Variants in SYNDIG1 observed in about 807,000 individuals in gnomAD.
SYNDIG1 encodes synapse differentiation inducing 1, also known as synapse differentiation-inducing gene protein 1.
SYNDIG1 carries 9 observed loss-of-function variants against 19.4 expected under a neutral mutation model. The ratio of observed to expected loss-of-function variants is 0.46; its 90% CI spans 0.28 to 0.81. The LOEUF (loss-of-function observed/expected upper bound fraction) is 0.81, where lower values mean the gene tolerates loss of function less well. SYNDIG1 is among the 30% of genes least tolerant of loss of function. The pLI, the probability that SYNDIG1 is intolerant of heterozygous loss-of-function variation, is 0.12. For synonymous variants in SYNDIG1, 141 were observed against 145.9 expected, an observed-to-expected ratio of 0.97 and a Z score of 0.24; for missense variants, 311 against 343.3, an observed-to-expected ratio of 0.91 and a Z score of 0.74.
intron 3 of SYNDIG1, among the ~76,000 whole-genome samples, chr20:24,618,292 G>A (rs2058979832): frequency 6.8e-6 from 1 of 147,894 alleles, no homozygotes; most frequent in African/African-American, 2.5e-5. Context: ...CTGAGGGACA[G>A]CCCAGGGAAG....
intron 3 of SYNDIG1, among the ~76,000 whole-genome samples, chr20:24,616,020 G>A (rs974456598): frequency 3.3e-5 from 5 of 152,160 alleles, no homozygotes; most frequent in African/African-American, 7.2e-5. Flanking sequence ...CTTTGCACCA[G>A]GAGAAACCAC....
At chr20:24,583,043 A>G (rs1458846193) in intron 2 of SYNDIG1, among the ~76,000 whole-genome samples, 1 of 152,248 alleles carries the variant, frequency 6.6e-6, no homozygotes, top group Non-Finnish European at 1.5e-5. Context: ...GACTGATCCC[A>G]TGAAAATATG....
At chr20:24,594,209 T>C (rs1286916422) in intron 3 of SYNDIG1, among the ~76,000 whole-genome samples, 4 of 152,242 alleles carry the variant, frequency 2.6e-5, no homozygotes, top group Non-Finnish European at 5.9e-5. Context: ...CATTCGTGTA[T>C]ACAGTGTGAG....
intron 1 of SYNDIG1, among the ~76,000 whole-genome samples, chr20:24,525,008 CT>C (rs1302867291): frequency 6.6e-6 from 1 of 152,058 alleles, no homozygotes; most frequent in African/African-American, 2.4e-5. Flanking sequence ...AATTTTTAAC[CT>C]TTTAAAAATA....
rs1011979442 is a variant in SYNDIG1 at position 24,512,342 on chromosome 20, A to T, written c.-78-30678A>T. On this transcript the variant is annotated intron_variant, in intron 1 of 3. Coordinates refer to ENST00000376862, the MANE Select transcript of SYNDIG1 (RefSeq NM_024893.3). ...AGTGTGAGCCAAAGCAGGGCGAGGC[A>T]TTGCCTCGCCCGGGAAGCACAGGGG... Among the ~76,000 whole-genome samples, 5 of 151,080 alleles carry T rather than the reference A, an allele frequency of 3.3e-5. No individual in the cohort carries two copies. In the East Asian group the frequency reaches 9.8e-4, roughly 30 times the overall value.
intron 1 of SYNDIG1, among the ~76,000 whole-genome samples, chr20:24,541,061 C>T (rs946469111): frequency 2.6e-5 from 4 of 152,178 alleles, no homozygotes; most frequent in African/African-American, 9.7e-5. Context: ...AACTCTTTGA[C>T]TAAGACAGAA....
rs147180862 is a variant in SYNDIG1 at position 24,661,496 on chromosome 20, G to GAAAGAAGGAGGAGGTAGGAAGGAGA, written c.619-3850_619-3849insAAAGAAGGAGGAGGTAGGAAGGAGA. Among the ~76,000 whole-genome samples the GAAAGAAGGAGGAGGTAGGAAGGAGA allele has an allele frequency of 1.2e-3, 75 of 63,600 alleles. 6 individuals carry two copies. The highest frequency in any genetic ancestry group is 1.6e-3 in the East Asian group (3 of 1,924). The allele number at this position is 63,600 out of a possible 152,430, so 41.7% of individuals were successfully genotyped here. On this transcript the variant is annotated intron_variant, in intron 3 of 3. Coordinates refer to ENST00000376862, the MANE Select transcript of SYNDIG1 (RefSeq NM_024893.3). ...GAGGGAAGAGGGAGGAAGAAGGGAG[G>GAAAGAAGGAGGAGGTAGGAAGGAGA]GAGGGAAGAGGGAGGAAGGAGGGAG...
chr20:24,643,100 T>A (rs552186446), intron 3 of SYNDIG1, among the ~76,000 whole-genome samples: 1 of 152,322 alleles, frequency 6.6e-6, no homozygotes, highest in Non-Finnish European at 1.5e-5. Context: ...TATCCATCTG[T>A]ATCTGTATTA....
At chr20:24,611,605 C>T (rs2058849147) in intron 3 of SYNDIG1, among the ~76,000 whole-genome samples, 3 of 151,958 alleles carry the variant, frequency 2.0e-5, no homozygotes, top group Non-Finnish European at 4.4e-5. Context: ...GCCCTTGCCA[C>T]CCCCACCTTT....
intron 1 of SYNDIG1, among the ~76,000 whole-genome samples, chr20:24,530,401 G>A (rs895976662): frequency 6.6e-5 from 10 of 152,154 alleles, no homozygotes; most frequent in African/African-American, 2.2e-4. Context: ...TTTTGCAATT[G>A]TAATGTGCCA....
At chr20:24,623,591 G>A (rs759909974) in intron 3 of SYNDIG1, among the ~76,000 whole-genome samples, 1 of 152,188 alleles carries the variant, frequency 6.6e-6, no homozygotes, top group Non-Finnish European at 1.5e-5. Context: ...TAGAGCATGT[G>A]TTCAAGTGAA....
chr20:24,652,663 T>C (rs916524071), intron 3 of SYNDIG1, among the ~76,000 whole-genome samples: 21 of 152,226 alleles, frequency 1.4e-4, no homozygotes, highest in African/African-American at 5.1e-4. Context: ...CCCTTGGCAC[T>C]CATGGCTCTA....
At chr20:24,590,240 A>G (rs2058485360) in intron 3 of SYNDIG1, among the ~76,000 whole-genome samples, 1 of 145,130 alleles carries the variant, frequency 6.9e-6, no homozygotes, top group Middle Eastern at 3.2e-3. Context: ...TGCAGTGCCG[A>G]GGCCCTGGGG....
intron 3 of SYNDIG1, among the ~76,000 whole-genome samples, chr20:24,635,102 C>G (rs1446682538): frequency 6.6e-6 from 1 of 152,224 alleles, no homozygotes; most frequent in Non-Finnish European, 1.5e-5. Context: ...ACTCCTCACC[C>G]TGCCAGCGGG....
At chr20:24,535,317 A>G (rs1252853352) in intron 1 of SYNDIG1, among the ~76,000 whole-genome samples, 1 of 152,244 alleles carries the variant, frequency 6.6e-6, no homozygotes, top group Non-Finnish European at 1.5e-5. Context: ...TCCAAACCTC[A>G]TCACTAAATG....
Position 24,647,557 on chromosome 20 carries a change from G to A in SYNDIG1, c.619-17789G>A, listed in dbSNP as rs747276816. 7.2e-4 allele frequency among the ~76,000 whole-genome samples: 109 copies of A among 151,904 alleles called. 2 individuals are homozygous for A. Among genetic ancestry groups the A allele is most frequent in the Non-Finnish European group, 1.3e-4 (9 of 68,004 alleles). The stretch of plus-strand genomic sequence containing the variant: ...TCACAGGCATCCATGGAAAAGGAGA[G>A]GCACTTGTCAATTTCGTGTGGAAAT... On this transcript the variant is annotated intron_variant, in intron 3 of 3. Transcript: ENST00000376862.
intron 1 of SYNDIG1, among the ~76,000 whole-genome samples, chr20:24,471,001 C>G (rs1431350931): frequency 6.6e-6 from 1 of 152,046 alleles, no homozygotes; most frequent in African/African-American, 2.4e-5. Flanking sequence ...CACAGTGGCT[C>G]CGTTTTCTGG....
At chr20:24,541,422 T>C (rs2057466661) in intron 1 of SYNDIG1, among the ~76,000 whole-genome samples, 1 of 152,206 alleles carries the variant, frequency 6.6e-6, no homozygotes, top group Non-Finnish European at 1.5e-5. Context: ...GTTCTTACAA[T>C]AGTGTTATAG....
intron 2 of SYNDIG1, among the ~76,000 whole-genome samples, chr20:24,572,090 G>T (rs927119293): frequency 6.6e-6 from 1 of 152,104 alleles, no homozygotes; most frequent in South Asian, 2.1e-4. Flanking sequence ...AATTTTAGTG[G>T]GTCAGGGAGA....
Sources: gnomAD v4.1 joint callset for allele counts (sites outside exome capture counted in the v4.1 genomes callset) on GRCh38, gnomAD v4.1.1 for gene constraint, MANE v1.5 for transcripts, NCBI Gene and HGNC (gene_info 2026-07-23, HGNC 2026-07-21) for gene names.